The following TGFBRAP1 variants were observed in gnomAD, a reference collection of about 807,000 sequenced individuals.
The protein encoded by TGFBRAP1 is transforming growth factor beta receptor associated protein 1.
TGFBRAP1 carries 20 observed loss-of-function variants against 83.2 expected under a neutral mutation model. That is an observed-to-expected ratio of 0.24 (90% CI 0.17 to 0.35). TGFBRAP1 has a LOEUF of 0.35. Ranked by LOEUF, TGFBRAP1 falls within the 10% of genes least tolerant of loss-of-function variation. The probability of loss-of-function intolerance (pLI) is 1.00; values close to 1 mark genes in which losing one functional copy is unlikely to be tolerated. For synonymous variants in TGFBRAP1, 415 were observed against 459.8 expected (o/e 0.90, Z 1.25); for missense variants, 950 against 1,099.4 (o/e 0.86, Z 1.92).
intron 2 of TGFBRAP1, among the ~76,000 whole-genome samples, chr2:105,304,714 C>T (rs1444590286): frequency 2.0e-5 from 3 of 152,144 alleles, no homozygotes; most frequent in African/African-American, 7.2e-5. Flanking sequence ...ACCCAGGAGG[C>T]GGAGGTTGCA....
At chr2:105,273,422 C>T in intron 9 of TGFBRAP1, 122 bp downstream of exon 9, 1 of 1,371,210 alleles carries the variant, frequency 7.3e-7, no homozygotes, top group Non-Finnish European at 9.8e-7. Flanking sequence ...ATCAGACCAT[C>T]AACAAGTACG....
At chr2:105,293,098 T>G (rs1677968303) in intron 4 of TGFBRAP1, among the ~76,000 whole-genome samples, 1 of 151,438 alleles carries the variant, frequency 6.6e-6, no homozygotes, top group Admixed American at 6.6e-5. Flanking sequence ...TATGGGGGAA[T>G]GACGACAATG....
chr2:105,257,737 A>C, the TGFBRAP1 span, among the ~76,000 whole-genome samples: 48 of 152,350 alleles, frequency 3.2e-4, no homozygotes, highest in African/African-American at 1.1e-3. Context: ...ATCAACATAA[A>C]AAATATAACC....
At chr2:105,299,484 ATCGCCCAGCC>A (rs1381054077) in intron 2 of TGFBRAP1, among the ~76,000 whole-genome samples, 1 of 151,964 alleles carries the variant, frequency 6.6e-6, no homozygotes, top group East Asian at 1.9e-4. Context: ...CACCAATAAC[ATCGCCCAGCC>A]TCACCCTGGA....
intron 1 of TGFBRAP1, among the ~76,000 whole-genome samples, chr2:105,313,710 T>C (rs549012342): frequency 1.3e-5 from 2 of 152,258 alleles, no homozygotes; most frequent in Admixed American, 1.3e-4. Flanking sequence ...CACAAATATA[T>C]ATTAAAAATG....
intron 1 of TGFBRAP1, among the ~76,000 whole-genome samples, chr2:105,316,423 GT>G: frequency 2.0e-5 from 1 of 49,840 alleles, no homozygotes; most frequent in Non-Finnish European, 4.1e-5. Flanking sequence ...TATAGGGAGT[GT>G]GTGTGTGTGT....
At chr2:105,323,742 C>T (rs1046397310) in intron 1 of TGFBRAP1, among the ~76,000 whole-genome samples, 1 of 152,168 alleles carries the variant, frequency 6.6e-6, no homozygotes, top group African/African-American at 2.4e-5. Context: ...CAAACACCTC[C>T]AATTCCCATG....
At chr2:105,286,991 TCTAA>T (rs1414326767) in intron 4 of TGFBRAP1, among the ~76,000 whole-genome samples, 1 of 152,142 alleles carries the variant, frequency 6.6e-6, no homozygotes, top group Non-Finnish European at 1.5e-5. Flanking sequence ...AATACACCTT[TCTAA>T]CTAATGGAAT....
At chr2:105,307,528 C>T in intron 2 of TGFBRAP1, 86 bp downstream of exon 2, 1 of 1,389,680 alleles carries the variant, frequency 7.2e-7, no homozygotes, top group Non-Finnish European at 9.8e-7. Context: ...ATTTATTCTG[C>T]ACAGCGCCAA....
At chr2:105,319,394 T>A (rs889340670) in intron 1 of TGFBRAP1, among the ~76,000 whole-genome samples, 4 of 140,494 alleles carry the variant, frequency 2.8e-5, no homozygotes, top group African/African-American at 1.0e-4. Context: ...AATCTAGACA[T>A]AAAAAGAGGC....
chr2:105,310,091 C>T (rs1317000726), intron 1 of TGFBRAP1, among the ~76,000 whole-genome samples: 2 of 152,138 alleles, frequency 1.3e-5, no homozygotes, highest in African/African-American at 4.8e-5. Context: ...TAGTTTGTTA[C>T]AGCAGCTGGA....
chr2:105,262,820 A>T (rs1676821058), downstream of TGFBRAP1, among the ~76,000 whole-genome samples: 1 of 152,194 alleles, frequency 6.6e-6, no homozygotes, highest in Non-Finnish European at 1.5e-5. Flanking sequence ...GCTAAGGAAA[A>T]GTAGGCTTCA....
At chr2:105,301,535 C>T (rs1255906314) in intron 2 of TGFBRAP1, among the ~76,000 whole-genome samples, 3 of 150,440 alleles carry the variant, frequency 2.0e-5, no homozygotes, top group Non-Finnish European at 4.4e-5. Flanking sequence ...TGCAGTGAGC[C>T]GAGATTGTGC....
At chr2:105,296,305 C>T (rs766076650) in intron 4 of TGFBRAP1, 51 bp downstream of exon 4, 5 of 1,607,296 alleles carry the variant, frequency 3.1e-6, no homozygotes, top group Non-Finnish European at 3.4e-6. Context: ...ATCTGAATGT[C>T]CTCTAACTGG....
Position 105,267,303 on chromosome 2 carries a change from G to A in TGFBRAP1, c.*80C>T. On this transcript the variant is annotated 3_prime_UTR_variant, in exon 12 of 12. Transcript: ENST00000393359. ...CTCCCTTCGTCCTGGCTGACACAGA[G>A]CATGGTGGTCATCTGCTCTTCATGT... 3 of 1,565,794 alleles carry A rather than the reference G, an allele frequency of 1.9e-6. No homozygotes were observed. Among genetic ancestry groups the A allele is most frequent in the Non-Finnish European group, 1.7e-6 (2 of 1,153,336 alleles).
intron 4 of TGFBRAP1, among the ~76,000 whole-genome samples, chr2:105,286,315 A>C (rs1324578226): frequency 2.0e-5 from 3 of 152,164 alleles, no homozygotes; most frequent in Non-Finnish European, 2.9e-5. Context: ...TCCACCTAAA[A>C]ATGCCTGATC....
chr2:105,284,154 C>A (rs888256142), intron 5 of TGFBRAP1, among the ~76,000 whole-genome samples, 162 bp downstream of exon 5: 1 of 152,114 alleles, frequency 6.6e-6, no homozygotes, highest in Non-Finnish European at 1.5e-5. Flanking sequence ...GCTGAGGAAC[C>A]AGCATTGGCG....
At chr2:105,278,220 A>C (rs1677417293) in intron 6 of TGFBRAP1, among the ~76,000 whole-genome samples, 1 of 152,160 alleles carries the variant, frequency 6.6e-6, no homozygotes, top group Non-Finnish European at 1.5e-5. Flanking sequence ...TCTGATTCCA[A>C]TCTAAGATGA....
At chr2:105,276,532 T>C (rs546871803) in intron 7 of TGFBRAP1, among the ~76,000 whole-genome samples, 1 of 152,332 alleles carries the variant, frequency 6.6e-6, no homozygotes, top group South Asian at 2.1e-4. Context: ...ACAGAATTGC[T>C]GAAACCAAAT....
Sources: allele counts gnomAD v4.1 joint callset (sites outside exome capture counted in the v4.1 genomes callset), GRCh38; gene constraint gnomAD v4.1.1; transcripts MANE v1.5; gene names NCBI Gene and HGNC (gene_info 2026-07-23, HGNC 2026-07-21).